RYR2: variants seen among roughly 807,000 people sequenced by gnomAD.
RYR2 encodes the protein cardiac muscle ryanodine receptor-calcium release channel.
Under a neutral mutation model 601.1 loss-of-function variants are expected in RYR2, and 227 were observed. The observed-to-expected ratio is 0.38, with a 90% CI of 0.34 to 0.42. The LOEUF (loss-of-function observed/expected upper bound fraction) is 0.42. Ranked by LOEUF, RYR2 falls within the 10% of genes least tolerant of loss-of-function variation. The pLI is 1.00. For missense variants in RYR2, 4,646 were observed against 6,156.5 expected (o/e 0.75, Z 8.21); for synonymous variants, 2,223 against 2,175.1 (o/e 1.02, Z -0.61).
chr1:237,482,689 C>T (rs1245935397), intron 17 of RYR2, among the ~76,000 whole-genome samples: 1 of 152,116 alleles, frequency 6.6e-6, no homozygotes, highest in African/African-American at 2.4e-5. Flanking sequence ...CTTCGGTATA[C>T]TGATTTCTTT....
In RYR2 at chr1:237,756,371, A is replaced by C. The variant is rs755203769; in HGVS notation, c.11229A>C (p.Thr3743=). The C allele has an allele frequency of 8.1e-6, 13 of 1,611,310 alleles. No individual in the cohort carries two copies. Among genetic ancestry groups the C allele is most frequent in the Non-Finnish European group, 1.0e-5 (12 of 1,178,198 alleles). ...DRGAAEMVLQ[T]ISASKGETGP... ...GCGCGGCTGAGATGGTGCTACAGAC[A>C]ATCAGTGCCAGCAAAGGTAAGGTTC... Residue 3743 remains threonine (T), a synonymous_variant, in exon 81 of 105, where the codon ACA becomes ACC. Coordinates refer to ENST00000366574, the MANE Select transcript of RYR2 (RefSeq NM_001035.3).
intron 58 of RYR2, among the ~76,000 whole-genome samples, chr1:237,670,413 A>T (rs1177832138): frequency 6.6e-6 from 1 of 152,100 alleles, no homozygotes; most frequent in Non-Finnish European, 1.5e-5. Flanking sequence ...CAGGGATAAT[A>T]TGCCTGTATT....
rs1675229503 is a variant in RYR2 at position 237,591,785 on chromosome 1, G to T, written c.4207G>T (p.Ala1403Ser). The change falls in exon 32 of 105, where the codon GCA (alanine) becomes TCA (serine). Residue 1403 changes from alanine to serine, a missense_variant. This residue lies in a region of RYR2 where 1,807 missense variants were observed against 2,088.1 expected (regional missense o/e 0.87). Transcript: ENST00000366574. Reference protein sequence around the residue: ...TKPDYSTSHSARLTEDVLADD... With the variant: ...TKPDYSTSHSSRLTEDVLADD... ...GCCAGATTACAGCACAAGCCATTCT[G>T]CAAGACTCACCGAAGATGTCCTTGC... is the stretch of plus-strand genomic sequence containing the variant. 1 of 1,613,546 alleles carries T rather than the reference G, an allele frequency of 6.2e-7. No individual in the cohort carries two copies.
rs142807305 is a variant in RYR2, at chr1:237,829,612, G to A, written c.14656-918G>A. 4.3e-3 allele frequency among the ~76,000 whole-genome samples: 658 copies of A among 152,274 alleles called. 4 individuals are homozygous for A. Among genetic ancestry groups the A allele is most frequent in the African/African-American group, 0.015 (625 of 41,564 alleles). ...ATTGGAGTGGTATGAAGACCTGATCGATTGTTCTCCCCAGTTGCTCAATGT... is the reference window on the plus strand; with the variant it reads ...ATTGGAGTGGTATGAAGACCTGATCAATTGTTCTCCCCAGTTGCTCAATGT... On this transcript the variant is annotated intron_variant, in intron 102 of 104. Transcript: ENST00000366574.
At chr1:237,144,401 A>AGC (rs1447330043) in intron 1 of RYR2, among the ~76,000 whole-genome samples, 2 of 152,274 alleles carry the variant, frequency 1.3e-5, no homozygotes, top group East Asian at 3.9e-4. Context: ...TGCAACTTGG[A>AGC]GCCTGGTACC....
chr1:237,413,156 G>A (rs750587767), intron 10 of RYR2, among the ~76,000 whole-genome samples: 6 of 152,064 alleles, frequency 3.9e-5, no homozygotes, highest in South Asian at 2.1e-4. Context: ...TGCACATGCC[G>A]TGTAATTTAC....
In RYR2 at chr1:237,788,915, GTCTCCTATCCTTTTCCTCCATGCTTA is replaced by G. The variant is rs1407557497; in HGVS notation, c.13476+800_13476+825del. Among the ~76,000 whole-genome samples, 20 of 151,780 alleles carry G rather than the reference GTCTCCTATCCTTTTCCTCCATGCTTA, an allele frequency of 1.3e-4. 1 individual carries two copies. Among genetic ancestry groups the G allele is most frequent in the South Asian group, 4.1e-4 (2 of 4,820 alleles). ...ATGTCACATGTATACACATATATGT[GTCTCCTATCCTTTTCCTCCATGCTTA>G]TCTCCTATCCTTTTCCTCCTTTATA... On this transcript the variant is annotated intron_variant, in intron 92 of 104. Coordinates refer to ENST00000366574, the MANE Select transcript of RYR2 (RefSeq NM_001035.3).
chr1:237,594,911 T>G (rs796848858), intron 33 of RYR2, among the ~76,000 whole-genome samples: 11,836 of 73,216 alleles, frequency 0.16, 945 homozygotes, highest in South Asian at 0.31. Flanking sequence ...TTTTTTTTTT[T>G]TTTTTTTTTT....
intron 100 of RYR2, among the ~76,000 whole-genome samples, chr1:237,814,965 C>CTTTTTTT: frequency 6.9e-3 from 646 of 93,838 alleles, no homozygotes; most frequent in Non-Finnish European, 8.0e-3. Flanking sequence ...TTTCTTTTTT[C>CTTTTTTT]TTTTTTTTTT....
chr1:237,309,752 C>T (rs1161997314), intron 2 of RYR2, among the ~76,000 whole-genome samples: 1 of 152,196 alleles, frequency 6.6e-6, no homozygotes, highest in Non-Finnish European at 1.5e-5. Flanking sequence ...TGGCAGGCTG[C>T]AGGTCCCGTG....
chr1:237,529,647 C>G lies in RYR2; in HGVS notation c.2823-780C>G, dbSNP rs562122522. ...ATCCCAAAATATTATGCCGTTATTTCTTACTCTATCAAGGCAGGAGAAACC... is the reference window on the plus strand; with the variant it reads ...ATCCCAAAATATTATGCCGTTATTTGTTACTCTATCAAGGCAGGAGAAACC... On this transcript the variant is annotated intron_variant, in intron 24 of 104. Transcript: ENST00000366574. Among the ~76,000 whole-genome samples the G allele has an allele frequency of 4.6e-5, 7 of 152,076 alleles. No individual in the cohort carries two copies. The East Asian group carries it at 9.7e-4, about 21-fold the overall frequency.
chr1:237,676,918 A>G lies in RYR2; in HGVS notation c.8831-1130A>G, dbSNP rs1458607060. Among the ~76,000 whole-genome samples the G allele has an allele frequency of 5.3e-5, 8 of 152,140 alleles. No homozygotes were observed. The East Asian group carries it at 1.3e-3, about 26-fold the overall frequency. ...GCTGTGTTCAAAATTTTCTCTTGAC[A>G]TAACTTCATATGAGAAAGTCTCTTA... is the stretch of plus-strand genomic sequence containing the variant. On this transcript the variant is annotated intron_variant, in intron 60 of 104. Coordinates refer to ENST00000366574, the MANE Select transcript of RYR2 (RefSeq NM_001035.3).
At chr1:237,303,324 G>T in intron 2 of RYR2, among the ~76,000 whole-genome samples, 2 of 108,888 alleles carry the variant, frequency 1.8e-5, no homozygotes, top group Non-Finnish European at 1.7e-5. Flanking sequence ...TTTTGAGACA[G>T]AGTCTTGCTC....
chr1:237,256,244 G>A (rs116392890), intron 1 of RYR2, among the ~76,000 whole-genome samples: 5,616 of 152,088 alleles, frequency 0.037, 114 homozygotes, highest in Non-Finnish European at 0.043. Flanking sequence ...TGTGCCTTTC[G>A]CCTTCTGCCA....
At chr1:237,323,744 C>G (rs947175292) in intron 2 of RYR2, among the ~76,000 whole-genome samples, 1 of 152,298 alleles carries the variant, frequency 6.6e-6, no homozygotes, top group South Asian at 2.1e-4. Flanking sequence ...CTCATTTAAA[C>G]GTGCTGCTAT....
At chr1:237,376,758 A>T (rs1344253875) in intron 7 of RYR2, among the ~76,000 whole-genome samples, 1 of 152,196 alleles carries the variant, frequency 6.6e-6, no homozygotes, top group South Asian at 2.1e-4. Context: ...GGATTCTCTT[A>T]TATGTTACCT....
At chr1:237,781,429 GC>G in intron 88 of RYR2, 135 bp from the exon 89 acceptor site, 2 of 559,378 alleles carry the variant, frequency 3.6e-6, no homozygotes, top group Non-Finnish European at 6.5e-6. Context: ...TTAATATTTG[GC>G]CCTCCTTTAG....
chr1:237,134,109 T>C (rs2148717080), intron 1 of RYR2, among the ~76,000 whole-genome samples: 1 of 152,234 alleles, frequency 6.6e-6, no homozygotes, highest in South Asian at 2.1e-4. Context: ...CCAGCACTTG[T>C]GATACTTGGA....
chr1:237,204,713 T>C (rs1681601357), intron 1 of RYR2, among the ~76,000 whole-genome samples: 1 of 152,084 alleles, frequency 6.6e-6, no homozygotes, highest in African/African-American at 2.4e-5. Context: ...CTACTTACTC[T>C]TATGTACAGA....
Sources: gnomAD v4.1 joint callset for allele counts (sites outside exome capture counted in the v4.1 genomes callset) on GRCh38, gnomAD v4.1.1 for gene constraint, gnomAD v4.1.1 regional missense constraint, MANE v1.5 for transcripts, NCBI Gene and HGNC (gene_info 2026-07-23, HGNC 2026-07-21) for gene names.